The following DOCK10 variants were observed in gnomAD, a reference collection of about 807,000 sequenced individuals.
The protein encoded by DOCK10 is dedicator of cytokinesis 10.
In DOCK10, 145 loss-of-function variants were observed where a neutral mutation model predicts 280.1. The observed-to-expected ratio is 0.52, with a 90% CI of 0.45 to 0.59. The LOEUF (loss-of-function observed/expected upper bound fraction) is 0.59, where lower values mean the gene tolerates loss of function less well. Among genes scored for constraint, DOCK10 ranks in the 20% least tolerant of loss-of-function variants. The pLI, the probability that DOCK10 is intolerant of heterozygous loss-of-function variation, is 0.00. For synonymous variants in DOCK10, 915 were observed against 942.2 expected, an observed-to-expected ratio of 0.97 and a Z score of 0.53; for missense variants, 2,368 against 2,651.7, an observed-to-expected ratio of 0.89 and a Z score of 2.35.
At chr2:224,887,770 C>T (rs1699395936) in intron 4 of DOCK10, among the ~76,000 whole-genome samples, 1 of 152,154 alleles carries the variant, frequency 6.6e-6, no homozygotes, top group Admixed American at 6.5e-5. Context: ...TAACTATCAT[C>T]TCAATAGTTA....
intron 2 of DOCK10, among the ~76,000 whole-genome samples, chr2:224,925,023 AAG>A (rs1701976494): frequency 6.6e-6 from 1 of 152,184 alleles, no homozygotes; most frequent in African/African-American, 2.4e-5. Context: ...ATAACATAGA[AAG>A]AATCTAATTC....
At chr2:224,899,401 G>A (rs938265764) in intron 3 of DOCK10, among the ~76,000 whole-genome samples, 2 of 152,200 alleles carry the variant, frequency 1.3e-5, no homozygotes, top group African/African-American at 4.8e-5. Context: ...GCTCTGGGTA[G>A]TGTGAATATA....
chr2:224,946,846 C>T, intron 1 of DOCK10: 1 of 1,532,902 alleles, frequency 6.5e-7, no homozygotes, highest in Non-Finnish European at 8.8e-7. Flanking sequence ...TGGATACCTA[C>T]AGAACTAAAT....
intron 51 of DOCK10, 128 bp from the exon 52 acceptor site, chr2:224,775,243 C>T (rs1690755080): frequency 3.8e-6 from 3 of 796,102 alleles, no homozygotes; most frequent in Non-Finnish European, 6.3e-6. Context: ...AATGGGCAGT[C>T]ACATCATTTC....
At chr2:224,797,357 C>T (rs980843977) in intron 42 of DOCK10, among the ~76,000 whole-genome samples, 1 of 151,070 alleles carries the variant, frequency 6.6e-6, no homozygotes, top group Non-Finnish European at 1.5e-5. Flanking sequence ...TTATTCTCTA[C>T]ATTGTATAAG....
At chr2:224,830,880 G>A (rs1446922619) in intron 26 of DOCK10, among the ~76,000 whole-genome samples, 3 of 149,818 alleles carry the variant, frequency 2.0e-5, no homozygotes, top group Non-Finnish European at 4.5e-5. Flanking sequence ...TTCAAGGGAT[G>A]TTCTAGTTGT....
At chr2:224,939,815 A>ATTTT (rs1702913346) in intron 1 of DOCK10, among the ~76,000 whole-genome samples, 1 of 152,232 alleles carries the variant, frequency 6.6e-6, no homozygotes, top group Admixed American at 6.5e-5. Flanking sequence ...TGTCAACAAT[A>ATTTT]GGCATTTTAT....
intron 13 of DOCK10, 38 bp downstream of exon 13, chr2:224,864,515 A>AAAAAGG (rs1287663050): frequency 6.6e-7 from 1 of 1,508,980 alleles, no homozygotes; most frequent in Non-Finnish European, 8.8e-7. Context: ...ATTAAAAAAA[A>AAAAAGG]AAAAGGAAGT....
chr2:224,901,111 G>A (rs1180962142), intron 3 of DOCK10, among the ~76,000 whole-genome samples: 4 of 152,222 alleles, frequency 2.6e-5, no homozygotes, highest in East Asian at 1.9e-4. Flanking sequence ...GAAATGTTAC[G>A]CATAGAAAAT....
chr2:224,945,002 T>C (rs932609118), intron 1 of DOCK10, among the ~76,000 whole-genome samples: 2 of 152,216 alleles, frequency 1.3e-5, no homozygotes, highest in Non-Finnish European at 2.9e-5. Context: ...ATTAAGATAA[T>C]TCATAGAGTG....
Position 224,808,074 on chromosome 2 carries a change from T to C in DOCK10, c.3422A>G (p.Tyr1141Cys). The C allele has an allele frequency of 1.2e-6, 2 of 1,611,386 alleles. No individual in the cohort carries two copies. Among genetic ancestry groups the C allele is most frequent in the Non-Finnish European group, 1.7e-6 (2 of 1,178,484 alleles). Residue 1141 changes from tyrosine to cysteine, a missense_variant, in exon 32 of 56, where the codon TAT becomes TGT. Around this residue, in one of 2 missense-constraint regions of DOCK10, gnomAD observed 1,159 missense variants for 1,400.8 expected, o/e 0.83. Coordinates refer to ENST00000258390, the MANE Select transcript of DOCK10 (RefSeq NM_014689.3). ...QELHASDMPE[Y>C]SVTNEFCRKH... is the part of the protein sequence containing the mutation. The stretch of plus-strand genomic sequence containing the variant: ...GCGACAAAATTCATTTGTGACTGAA[T>C]ATTCAGGCATATCTTTGTGAGGAAG...
intron 30 of DOCK10, among the ~76,000 whole-genome samples, chr2:224,815,856 T>C (rs1694098786): frequency 6.6e-6 from 1 of 152,076 alleles, no homozygotes; most frequent in Admixed American, 6.6e-5. Context: ...GCCAACATGG[T>C]GAAACCTCTT....
At chr2:224,822,800 A>G (rs184471339) in intron 28 of DOCK10, among the ~76,000 whole-genome samples, 1 of 152,136 alleles carries the variant, frequency 6.6e-6, no homozygotes, top group Non-Finnish European at 1.5e-5. Flanking sequence ...GCTATTTGGT[A>G]TCACTGTCAG....
At chr2:224,890,577 A>T (rs931165828) in intron 4 of DOCK10, among the ~76,000 whole-genome samples, 9 of 152,114 alleles carry the variant, frequency 5.9e-5, no homozygotes, top group Non-Finnish European at 1.2e-4. Context: ...AACAAACTAC[A>T]GTAGATCCAC....
At chr2:224,821,297 G>A (rs929303782) in intron 28 of DOCK10, among the ~76,000 whole-genome samples, 3 of 152,122 alleles carry the variant, frequency 2.0e-5, no homozygotes, top group Non-Finnish European at 4.4e-5. Context: ...TTCCAATGTT[G>A]ACTAATTCAC....
rs533199724 is a variant in DOCK10 at position 224,966,168 on chromosome 2, C to T, written c.124-34500G>A. Reference sequence around the variant, plus strand: ...ATTACAGAGTGTGCAGCCTATACACCATCCACTCTTAGCCCTCTCATTCCC... The same window carrying T: ...ATTACAGAGTGTGCAGCCTATACACTATCCACTCTTAGCCCTCTCATTCCC... On this transcript the variant is annotated intron_variant, in intron 1 of 55. Transcript: ENST00000258390. Among the ~76,000 whole-genome samples the T allele has an allele frequency of 2.2e-3, 334 of 152,198 alleles. 1 individual carries two copies. Among genetic ancestry groups the T allele is most frequent in the Non-Finnish European group, 3.6e-3 (242 of 68,008 alleles).
chr2:224,849,262 C>T (rs1351623667), intron 19 of DOCK10, among the ~76,000 whole-genome samples: 1 of 152,242 alleles, frequency 6.6e-6, no homozygotes, highest in Non-Finnish European at 1.5e-5. Flanking sequence ...GCGTGAGCCA[C>T]TATACCCGGC....
chr2:224,888,218 C>CGT (rs1157465599), intron 4 of DOCK10, among the ~76,000 whole-genome samples: 2 of 140,254 alleles, frequency 1.4e-5, no homozygotes, highest in African/African-American at 2.9e-5. Context: ...TTAATATAGG[C>CGT]CTGTGTGTGT....
chr2:224,772,080 C>T (rs773685785), intron 53 of DOCK10, among the ~76,000 whole-genome samples: 8 of 151,942 alleles, frequency 5.3e-5, no homozygotes, highest in Non-Finnish European at 1.2e-4. Context: ...GCCACCATGC[C>T]CGGCTAATTT....
Sources: gnomAD v4.1 joint callset for allele counts (sites outside exome capture counted in the v4.1 genomes callset) on GRCh38, gnomAD v4.1.1 for gene constraint, gnomAD v4.1.1 regional missense constraint, MANE v1.5 for transcripts, NCBI Gene and HGNC (gene_info 2026-07-23, HGNC 2026-07-21) for gene names.